Variants in NPSR1 observed in about 807,000 individuals in gnomAD.
NPSR1 encodes neuropeptide S receptor 1.
In NPSR1, 48 loss-of-function variants were observed where a neutral mutation model predicts 46.9. The observed-to-expected ratio is 1.02, with a 90% confidence interval of 0.81 to 1.30. The LOEUF is 1.30. Ranked by LOEUF, NPSR1 falls within the 50% of genes most tolerant of loss-of-function variation. The pLI is 0.00. For synonymous variants in NPSR1, 176 were observed against 168.1 expected (o/e 1.05, Z -0.36); for missense variants, 450 against 449.5 (o/e 1.00, Z -0.01).
intron 2 of NPSR1, among the ~76,000 whole-genome samples, chr7:34,759,342 G>A (rs970296403): frequency 6.6e-6 from 1 of 152,074 alleles, no homozygotes; most frequent in African/African-American, 2.4e-5. Context: ...CTACTTTAAG[G>A]AAGAAATTTC....
At chr7:34,685,477 G>C (rs949533643) in intron 2 of NPSR1, among the ~76,000 whole-genome samples, 1 of 151,576 alleles carries the variant, frequency 6.6e-6, no homozygotes, top group Non-Finnish European at 1.5e-5. Flanking sequence ...TGTTATATTA[G>C]CTTAATTTGG....
intron 5 of NPSR1, among the ~76,000 whole-genome samples, chr7:34,831,703 T>C (rs1290161345): frequency 6.6e-6 from 1 of 152,164 alleles, no homozygotes; most frequent in Admixed American, 6.5e-5. Flanking sequence ...GTCTAATTGT[T>C]GCTGGGGAGG....
chr7:34,674,585 T>G (rs1257086548), intron 1 of NPSR1, among the ~76,000 whole-genome samples: 1 of 152,222 alleles, frequency 6.6e-6, no homozygotes, highest in African/African-American at 2.4e-5. Flanking sequence ...AAACCTTTTT[T>G]CTTATACTTT....
intron 4 of NPSR1, among the ~76,000 whole-genome samples, chr7:34,819,030 C>G (rs1046519597): frequency 6.6e-6 from 1 of 152,158 alleles, no homozygotes; most frequent in South Asian, 2.1e-4. Context: ...ATGACTAAAA[C>G]ACCAAAAGCA....
intron 2 of NPSR1, among the ~76,000 whole-genome samples, chr7:34,744,764 G>T (rs532830014): frequency 1.1e-4 from 17 of 152,274 alleles, no homozygotes; most frequent in African/African-American, 4.1e-4. Flanking sequence ...TGTTTGACAA[G>T]GGTATGTATT....
At chr7:34,809,565 G>A (rs1339373033) in intron 3 of NPSR1, among the ~76,000 whole-genome samples, 3 of 148,688 alleles carry the variant, frequency 2.0e-5, no homozygotes, top group Non-Finnish European at 4.4e-5. Flanking sequence ...CCGGGTTCAC[G>A]CCATTCTCCT....
At chr7:34,827,655 T>C (rs927040782) in intron 5 of NPSR1, 53 bp downstream of exon 5, 11 of 911,158 alleles carry the variant, frequency 1.2e-5, no homozygotes, top group Admixed American at 3.8e-5. Context: ...GGGGGGGCTT[T>C]CCTGTTTCTC....
At chr7:34,804,367 A>C (rs1167420444) in intron 3 of NPSR1, among the ~76,000 whole-genome samples, 1 of 152,140 alleles carries the variant, frequency 6.6e-6, no homozygotes, top group Non-Finnish European at 1.5e-5. Context: ...ATCTGGTTAA[A>C]TATTTAAAAA....
chr7:34,683,446 C>CCAA (rs1792756780), intron 1 of NPSR1, among the ~76,000 whole-genome samples: 1 of 113,192 alleles, frequency 8.8e-6, no homozygotes, highest in African/African-American at 3.1e-5. Flanking sequence ...GACTCTGTCA[C>CCAA]AAAAAAAAAA....
intron 3 of NPSR1, among the ~76,000 whole-genome samples, chr7:34,799,273 A>T (rs934989187): frequency 6.6e-6 from 1 of 152,084 alleles, no homozygotes; most frequent in Non-Finnish European, 1.5e-5. Flanking sequence ...AAATTTAATT[A>T]AAATCAGAAA....
At chr7:34,772,299 TAA>T (rs1361936856) in intron 2 of NPSR1, among the ~76,000 whole-genome samples, 1 of 152,174 alleles carries the variant, frequency 6.6e-6, no homozygotes, top group Non-Finnish European at 1.5e-5. Context: ...GCAATAAAAA[TAA>T]ACTATTGGAA....
At chr7:34,777,016 G>A (rs575404572) in intron 2 of NPSR1, among the ~76,000 whole-genome samples, 1 of 152,282 alleles carries the variant, frequency 6.6e-6, no homozygotes, top group South Asian at 2.1e-4. Context: ...CTCTTTTGGA[G>A]CTGTGAGAAT....
intron 1 of NPSR1, among the ~76,000 whole-genome samples, chr7:34,673,002 C>T (rs549498543): frequency 1.1e-4 from 17 of 152,292 alleles, no homozygotes; most frequent in Middle Eastern, 3.4e-3. Context: ...TCCTCACTAA[C>T]CTGCAGTTCT....
chr7:34,682,730 C>A (rs1016792762), intron 1 of NPSR1, among the ~76,000 whole-genome samples: 4 of 152,236 alleles, frequency 2.6e-5, no homozygotes, highest in Non-Finnish European at 5.9e-5. Context: ...AACTCACTCC[C>A]TCCACTCAGT....
At chr7:34,676,810 T>A (rs1038032531) in intron 1 of NPSR1, among the ~76,000 whole-genome samples, 6 of 152,142 alleles carry the variant, frequency 3.9e-5, no homozygotes, top group Non-Finnish European at 8.8e-5. Context: ...CGGGGAGGCT[T>A]CCTATGTCTG....
chr7:34,850,464 G>A (rs1790900621), downstream of NPSR1, among the ~76,000 whole-genome samples: 1 of 143,880 alleles, frequency 7.0e-6, no homozygotes, highest in African/African-American at 2.6e-5. Context: ...GCAGTGGCAC[G>A]ATCTCGGCTC....
chr7:34,827,643 C>T (rs560545023), intron 5 of NPSR1, 41 bp downstream of exon 5: 25 of 405,758 alleles, frequency 6.2e-5, no homozygotes, highest in African/African-American at 1.1e-4. Context: ...GGGGGTGGGG[C>T]GGGGGGGGCT....
At chr7:34,817,781 C>T (rs997099419) in intron 4 of NPSR1, among the ~76,000 whole-genome samples, 6 of 152,086 alleles carry the variant, frequency 3.9e-5, no homozygotes, top group African/African-American at 1.4e-4. Flanking sequence ...AATTGATAAA[C>T]GTAATCCATC....
At chr7:34,671,536 A>G (rs532145403) in intron 1 of NPSR1, among the ~76,000 whole-genome samples, 1 of 152,312 alleles carries the variant, frequency 6.6e-6, no homozygotes, top group East Asian at 1.9e-4. Flanking sequence ...AAGGATCCAG[A>G]AATGCAGGCA....
Sources: allele counts gnomAD v4.1 joint callset (sites outside exome capture counted in the v4.1 genomes callset), GRCh38; gene constraint gnomAD v4.1.1; transcripts MANE v1.5; gene names NCBI Gene and HGNC (gene_info 2026-07-23, HGNC 2026-07-21).